The following FZR1 variants were observed in gnomAD, a reference collection of about 807,000 sequenced individuals.
The protein encoded by FZR1 is fizzy and cell division cycle 20 related 1, also known as fizzy-related protein homolog.
Under a neutral mutation model 63.6 loss-of-function variants are expected in FZR1, and 11 were observed. The observed-to-expected ratio is 0.17, with a 90% CI of 0.11 to 0.29. FZR1 has a LOEUF of 0.29. Ranked by LOEUF, FZR1 falls within the 10% of genes least tolerant of loss-of-function variation. FZR1 has a pLI of 1.00. For missense variants in FZR1, 440 were observed against 687.5 expected (o/e 0.64, Z 4.03); for synonymous variants, 328 against 297.9 (o/e 1.10, Z -1.04).
chr19:3,507,884 A>T (rs1416653358), intron 1 of FZR1, among the ~76,000 whole-genome samples: 2 of 152,206 alleles, frequency 1.3e-5, no homozygotes, highest in East Asian at 3.8e-4. Context: ...TCCCAAGTGG[A>T]GGCAGGTGTG....
At chr19:3,532,713 C>A in intron 11 of FZR1, 63 bp downstream of exon 11, 2 of 1,139,082 alleles carry the variant, frequency 1.8e-6, no homozygotes, top group Non-Finnish European at 2.6e-6. Context: ...GGCCCCTTAC[C>A]TGCCACCTGA....
intron 12 of FZR1, 79 bp from the exon 13 acceptor site, chr19:3,534,342 C>A: frequency 1.3e-6 from 1 of 765,386 alleles, no homozygotes; most frequent in Non-Finnish European, 2.2e-6. Context: ...CACCTTGCTC[C>A]CCTCTCCTTC....
Position 3,526,148 on chromosome 19 carries a change from G to A in FZR1, c.224G>A (p.Arg75Gln), listed in dbSNP as rs759834366. Residue 75 changes from arginine to glutamine, a missense_variant, in exon 4 of 14, where the codon CGG becomes CAG. By Grantham distance (43) the Arg-to-Gln change is conservative (BLOSUM62 1). Around this residue, in one of 5 missense-constraint regions of FZR1, gnomAD observed 200 missense variants for 245.1 expected, o/e 0.82. Transcript: ENST00000441788. This position sits in a 1 kb window ranked among gnomAD's most constrained non-coding sequence, Gnocchi z 5.4. ...NENEKSPSQN[R>Q]KAKDATSDNG... ...AATGAGAAGTCTCCCAGTCAGAACC[G>A]GAAAGCCAAGGACGCCACCTCAGAC... The A allele has an allele frequency of 1.9e-5, 30 of 1,612,844 alleles. No individual in the cohort carries two copies. The Admixed American group carries it at 2.8e-4, about 15-fold the overall frequency.
rs1396602164 is a variant in FZR1, at chr19:3,525,424, T to TGGG, written c.70-443_70-441dup. 6.4e-5 allele frequency among the ~76,000 whole-genome samples: 9 copies of TGGG among 141,044 alleles called. No individual in the cohort carries two copies. The highest frequency in any genetic ancestry group is 2.4e-4 in the African/African-American group (9 of 38,220). The allele number at this position is 141,044 out of a possible 152,430, so 92.5% of individuals were successfully genotyped here. ...CGAGTGACTGTGTGGCTCCCCTCCT[T>TGGG]GGGTTTTCTTTTTTTTTTTTTTTTT... On this transcript the variant is annotated intron_variant, in intron 2 of 13. Coordinates refer to ENST00000441788, the MANE Select transcript of FZR1 (RefSeq NM_016263.4). This position sits in a 1 kb window ranked among gnomAD's most constrained non-coding sequence, Gnocchi z 4.2.
At chr19:3,520,703 T>A (rs2083093656) in intron 1 of FZR1, among the ~76,000 whole-genome samples, 3 of 152,218 alleles carry the variant, frequency 2.0e-5, no homozygotes, top group Admixed American at 2.0e-4. Flanking sequence ...GAAACAGCCC[T>A]GCGGTTGATC....
intron 7 of FZR1, 93 bp from the exon 8 acceptor site, chr19:3,530,699 T>A (rs2083238174): frequency 2.3e-6 from 2 of 875,540 alleles, no homozygotes. Flanking sequence ...TGGATGAGAG[T>A]GGATGGGTGA....
At chr19:3,519,608 G>A (rs915353842) in intron 1 of FZR1, among the ~76,000 whole-genome samples, 1 of 152,276 alleles carries the variant, frequency 6.6e-6, no homozygotes, top group Non-Finnish European at 1.5e-5. Context: ...TACTGTCTGG[G>A]CAATGCTGCC....
At chr19:3,517,839 T>G (rs541788520) in intron 1 of FZR1, among the ~76,000 whole-genome samples, 1 of 151,508 alleles carries the variant, frequency 6.6e-6, no homozygotes, top group Non-Finnish European at 1.5e-5. Context: ...TGCTGTGATT[T>G]GTAACTAAAC....
At position 3,535,078 on chromosome 19, in the gene FZR1, C is replaced by A; in HGVS notation, c.*242C>A. On this transcript the variant is annotated 3_prime_UTR_variant, in exon 14 of 14. Coordinates refer to ENST00000441788, the MANE Select transcript of FZR1 (RefSeq NM_016263.4). ...GCAGCAGGGGCTCTGTCTCCCTTCC[C>A]AAAGGGCGAGAACCACATTGGACGG... 1 of 575,530 alleles carries A rather than the reference C, an allele frequency of 1.7e-6. No individual in the cohort carries two copies. The highest frequency in any genetic ancestry group is 3.0e-5 in the East Asian group (1 of 33,328). The allele number at this position is 575,530 out of a possible 1,614,324, so 35.7% of individuals were successfully genotyped here. A position where few individuals can be genotyped will look rare whatever the true frequency, so the allele number is the denominator to read the frequency against.
rs558298037 is a variant in FZR1 at position 3,536,478 on chromosome 19, A to C, written c.*1642A>C. ...TTCAAGGTTTTTAAATAAGAAAACC[A>C]ACCCTGCCTTCGCCCATGCCCGCCC... is the stretch of plus-strand genomic sequence containing the variant. On this transcript the variant is annotated 3_prime_UTR_variant, in exon 14 of 14. Coordinates refer to ENST00000441788, the MANE Select transcript of FZR1 (RefSeq NM_016263.4). The C allele has an allele frequency of 6.6e-6, 1 of 152,336 alleles. No individual in the cohort carries two copies. Among genetic ancestry groups the C allele is most frequent in the South Asian group, 2.1e-4 (1 of 4,832 alleles). The allele number at this position is 152,336 out of a possible 1,614,324, so 9.4% of individuals were successfully genotyped here. A position where few individuals can be genotyped will look rare whatever the true frequency, so the allele number is the denominator to read the frequency against.
At chr19:3,510,671 G>A (rs2030299281) in intron 1 of FZR1, among the ~76,000 whole-genome samples, 1 of 152,188 alleles carries the variant, frequency 6.6e-6, no homozygotes, top group South Asian at 2.1e-4. Flanking sequence ...AGTGTGGGAG[G>A]CCAGTGCTGG....
chr19:3,523,839 G>C (rs1007339556), intron 2 of FZR1, among the ~76,000 whole-genome samples: 1 of 152,198 alleles, frequency 6.6e-6, no homozygotes, highest in Non-Finnish European at 1.5e-5. Flanking sequence ...CAGGCATTGG[G>C]CTAGGCCTGG....
rs1263564040 is a variant in FZR1, at chr19:3,533,847, T to C, written c.1347+449T>C. 2 of 175,964 alleles carry C rather than the reference T, an allele frequency of 1.1e-5. No individual in the cohort carries two copies. The highest frequency in any genetic ancestry group is 4.8e-5 in the African/African-American group (2 of 41,934). 10.9% of individuals were successfully genotyped at this position (175,964 alleles called of 1,614,324 possible). A position where few individuals can be genotyped will look rare whatever the true frequency, so the allele number is the denominator to read the frequency against. On this transcript the variant is annotated intron_variant, in intron 12 of 13. Coordinates refer to ENST00000441788, the MANE Select transcript of FZR1 (RefSeq NM_016263.4). This position sits in a 1 kb window ranked among gnomAD's most constrained non-coding sequence, Gnocchi z 4.9. Reference sequence around the variant, plus strand: ...CTGAAAAACATGTTCTGTGCTTTCATCCGCGCATCTGACAGTCCCTCATCT... The same window carrying C: ...CTGAAAAACATGTTCTGTGCTTTCACCCGCGCATCTGACAGTCCCTCATCT...
At chr19:3,531,635 T>G (rs1015582885) in intron 8 of FZR1, 79 bp from the exon 9 acceptor site, 12 of 966,210 alleles carry the variant, frequency 1.2e-5, no homozygotes, top group Non-Finnish European at 1.7e-5. Context: ...GGAGAGAGCC[T>G]GGCGCGACCA....
intron 7 of FZR1, among the ~76,000 whole-genome samples, chr19:3,528,782 CGTGGATGGGAGA>C (rs1165984224): frequency 1.4e-4 from 8 of 59,156 alleles, no homozygotes; most frequent in Non-Finnish European, 2.7e-4. Flanking sequence ...TGGATGGGTG[CGTGGATGGGAGA>C]GTGGATGGGT....
At position 3,526,743 on chromosome 19, in the gene FZR1, G is replaced by A. The variant is rs532315859; in HGVS notation, c.388-237G>A. On this transcript the variant is annotated intron_variant, in intron 5 of 13. Coordinates refer to ENST00000441788, the MANE Select transcript of FZR1 (RefSeq NM_016263.4). This position sits in a 1 kb window ranked among gnomAD's most constrained non-coding sequence, Gnocchi z 5.4. ...GGGCCCCACTCTGTCCACATGATCC[G>A]GGAGCTCAAAGGCAGGATCACACGG... Among the ~76,000 whole-genome samples the A allele has an allele frequency of 3.3e-5, 5 of 152,294 alleles. No individual in the cohort carries two copies. The highest frequency in any genetic ancestry group is 2.6e-4 in the Admixed American group (4 of 15,312).
chr19:3,527,572 G>A (rs1365542748), intron 6 of FZR1, 59 bp from the exon 7 acceptor site: 52 of 1,406,508 alleles, frequency 3.7e-5, no homozygotes, highest in South Asian at 2.5e-4. Flanking sequence ...CTTCCCAAGC[G>A]TTTGCAAGAG....
At chr19:3,519,698 C>T in intron 1 of FZR1, among the ~76,000 whole-genome samples, 1 of 152,222 alleles carries the variant, frequency 6.6e-6, no homozygotes, top group Non-Finnish European at 1.5e-5. Context: ...ACCACCTCTG[C>T]ACAGCCTGGA....
intron 1 of FZR1, among the ~76,000 whole-genome samples, chr19:3,517,545 G>A (rs892356274): frequency 6.6e-6 from 1 of 151,970 alleles, no homozygotes; most frequent in Admixed American, 6.6e-5. Context: ...AAAAATAGCT[G>A]GGTGTGGTGG....
Sources: gnomAD v4.1 joint callset for allele counts (sites outside exome capture counted in the v4.1 genomes callset) on GRCh38, gnomAD v4.1.1 for gene constraint, gnomAD v4.1.1 regional missense constraint, Gnocchi (gnomAD v3.1) non-coding constraint, MANE v1.5 for transcripts, NCBI Gene and HGNC (gene_info 2026-07-23, HGNC 2026-07-21) for gene names.